PRPF6: variants seen among roughly 807,000 people sequenced by gnomAD.
PRPF6 encodes pre-mRNA-processing factor 6.
Under a neutral mutation model 118.3 loss-of-function variants are expected in PRPF6, and 42 were observed. The observed-to-expected ratio is 0.35, with a 90% CI of 0.28 to 0.46. The LOEUF (loss-of-function observed/expected upper bound fraction) is 0.46, where lower values mean the gene tolerates loss of function less well. PRPF6 is among the 20% of genes least tolerant of loss of function. The probability of loss-of-function intolerance (pLI) is 1.00; values close to 1 mark genes in which losing one functional copy is unlikely to be tolerated. For missense variants in PRPF6, 662 were observed against 1,255.7 expected (o/e 0.53, Z 7.15); for synonymous variants, 481 against 485.1 (o/e 0.99, Z 0.11).
In PRPF6 at chr20:64,032,015, T is replaced by C. The variant is rs2059316906; in HGVS notation, c.2644T>C (p.Tyr882His). 6.2e-7 allele frequency: 1 copy of C among 1,614,102 alleles called. No homozygotes were observed. The highest frequency in any genetic ancestry group is 1.7e-5 in the Admixed American group (1 of 60,032). Residue 882 changes from tyrosine (Y) to histidine (H), a missense_variant, in exon 20 of 21, where the codon TAC becomes CAC. Tyr to His is a moderately conservative substitution (Grantham distance 83). Transcript: ENST00000266079. ...CCTGGGGGATGCCTGGGCCTTCTTC[T>C]ACAAGTTTGAGCTGCAGCATGGCAC... ...SDLGDAWAFFYKFELQHGTEE... is the reference protein window; with the variant it reads ...SDLGDAWAFFHKFELQHGTEE...
At chr20:64,015,307 G>A (rs1487561766) in intron 11 of PRPF6, among the ~76,000 whole-genome samples, 1 of 152,212 alleles carries the variant, frequency 6.6e-6, no homozygotes, top group Non-Finnish European at 1.5e-5. Context: ...TTTGCCGCAG[G>A]CCCCTGAGGG....
At chr20:63,982,943 C>A in intron 1 of PRPF6, 104 bp from the exon 2 acceptor site, 1 of 1,377,670 alleles carries the variant, frequency 7.3e-7, no homozygotes, top group Non-Finnish European at 1.0e-6. Context: ...GGAGGTTTCC[C>A]AAAGGTGTTA....
At chr20:64,004,901 C>T (rs1005972185) in intron 9 of PRPF6, among the ~76,000 whole-genome samples, 4 of 152,292 alleles carry the variant, frequency 2.6e-5, no homozygotes, top group South Asian at 2.1e-4. Flanking sequence ...GCCTGTGAAG[C>T]GTGGCATCCT....
intron 7 of PRPF6, 86 bp from the exon 8 acceptor site, chr20:63,999,517 G>T: frequency 6.5e-7 from 1 of 1,533,522 alleles, no homozygotes; most frequent in South Asian, 1.1e-5. Flanking sequence ...CTTACATTGT[G>T]ACTGTGAAGT....
intron 12 of PRPF6, among the ~76,000 whole-genome samples, chr20:64,021,689 T>C (rs889729390): frequency 2.0e-5 from 3 of 150,658 alleles, no homozygotes; most frequent in Non-Finnish European, 4.4e-5. Flanking sequence ...TGTGTGCGTG[T>C]GTGTGCACGT....
At position 64,028,710 on chromosome 20, in the gene PRPF6, G is replaced by A. The variant is rs1404927388; in HGVS notation, c.2431+141G>A. Reference sequence around the variant, plus strand: ...TGAGGGAGTGGGGGCTCAGGCTTCAGACGGACTTTATTAAAATGTGTAGTT... The same window carrying A: ...TGAGGGAGTGGGGGCTCAGGCTTCAAACGGACTTTATTAAAATGTGTAGTT... On this transcript the variant is annotated intron_variant, in intron 18 of 20. Coordinates refer to ENST00000266079, the MANE Select transcript of PRPF6 (RefSeq NM_012469.4). This position sits in a 1 kb window ranked among gnomAD's most constrained non-coding sequence, Gnocchi z 6.5. 7.0e-6 allele frequency: 6 copies of A among 852,138 alleles called. No individual in the cohort carries two copies. Among genetic ancestry groups the A allele is most frequent in the Non-Finnish European group, 1.1e-5 (6 of 542,492 alleles). 52.8% of individuals were successfully genotyped at this position (852,138 alleles called of 1,614,324 possible).
intron 10 of PRPF6, 92 bp downstream of exon 10, chr20:64,010,410 A>T: frequency 1.8e-6 from 2 of 1,082,576 alleles, no homozygotes; most frequent in South Asian, 2.5e-5. Context: ...CAAGTGGAGC[A>T]TTGAGCTCAC....
chr20:64,001,199 G>A lies in PRPF6; in HGVS notation c.1146G>A (p.Leu382=). ...GGATTTACATCAGAGCCGCAGAGCT[G>A]GAAACGGACATTCGTGCAAAGAAGC... ...SVRIYIRAAE[L]ETDIRAKKRV... Residue 382 remains leucine (L), a synonymous_variant, in exon 9 of 21, where the codon CTG becomes CTA. Transcript: ENST00000266079. 2.5e-6 allele frequency: 4 copies of A among 1,614,238 alleles called. No homozygotes were observed. Among genetic ancestry groups the A allele is most frequent in the Non-Finnish European group, 3.4e-6 (4 of 1,180,040 alleles).
rs1197777058 is a variant in PRPF6, at chr20:64,001,256, G to A, written c.1186+17G>A. The A allele has an allele frequency of 1.9e-6, 3 of 1,614,012 alleles. No homozygotes were observed. The African/African-American group carries it at 4.0e-5, about 22-fold the overall frequency. ...TTCGGAAAGGTGAGCCTCCCTCGGA[G>A]GTGCTGCTTTCTCCCTCCTTGGGGC... On this transcript the variant is annotated intron_variant, in intron 9 of 20. Coordinates refer to ENST00000266079, the MANE Select transcript of PRPF6 (RefSeq NM_012469.4).
Position 64,009,275 on chromosome 20 carries a change from A to G in PRPF6, c.1187-925A>G, listed in dbSNP as rs4809390. 3.2e-5 allele frequency among the ~76,000 whole-genome samples: 4 copies of G among 123,412 alleles called. No homozygotes were observed. In the South Asian group the frequency reaches 1.2e-3, roughly 36 times the overall value. The allele number at this position is 123,412 out of a possible 152,430, so 81.0% of individuals were successfully genotyped here. A position where few individuals can be genotyped will look rare whatever the true frequency, so the allele number is the denominator to read the frequency against. ...CAGCCTGGCGACAGAGCGAGACTCC[A>G]TCGCAAAAAAAAAAAAAAAAAAAAA... is the stretch of plus-strand genomic sequence containing the variant. On this transcript the variant is annotated intron_variant, in intron 9 of 20. Coordinates refer to ENST00000266079, the MANE Select transcript of PRPF6 (RefSeq NM_012469.4).
At chr20:64,025,190 T>G (rs1182748576) in intron 14 of PRPF6, among the ~76,000 whole-genome samples, 1 of 152,222 alleles carries the variant, frequency 6.6e-6, no homozygotes, top group African/African-American at 2.4e-5. Context: ...TGCCCTTCTT[T>G]GAGCAAATAC....
intron 4 of PRPF6, among the ~76,000 whole-genome samples, chr20:63,993,970 A>C (rs1374650332): frequency 6.6e-6 from 1 of 151,836 alleles, no homozygotes; most frequent in Non-Finnish European, 1.5e-5. Flanking sequence ...GGCTGGTCTC[A>C]AACTCCTGAA....
At chr20:63,991,815 T>C (rs1283772382) in intron 3 of PRPF6, among the ~76,000 whole-genome samples, 2 of 152,112 alleles carry the variant, frequency 1.3e-5, no homozygotes, top group African/African-American at 4.8e-5. Context: ...AGTGTACTTA[T>C]TAAAACTTTT....
intron 11 of PRPF6, among the ~76,000 whole-genome samples, chr20:64,012,942 C>G (rs1053971313): frequency 1.3e-5 from 2 of 151,630 alleles, no homozygotes; most frequent in Non-Finnish European, 2.9e-5. Flanking sequence ...TTACTCTTCC[C>G]CTCTCCCCCA....
In PRPF6 at chr20:64,011,185, A is replaced by C; in HGVS notation, c.1306-100A>C. ...TCAGATGGTTCTCGAGAGCTAAGAA[A>C]GAACGTGGTGGCCAACGCTGGAGGG... On this transcript the variant is annotated intron_variant, in intron 10 of 20. Transcript: ENST00000266079. The surrounding 1 kb of genome is among the most constrained non-coding windows in gnomAD (Gnocchi z 6.7). 9.5e-7 allele frequency: 1 copy of C among 1,054,634 alleles called. No individual in the cohort carries two copies. The highest frequency in any genetic ancestry group is 1.9e-5 in the Admixed American group (1 of 51,610). 65.3% of individuals were successfully genotyped at this position (1,054,634 alleles called of 1,614,324 possible). A position where few individuals can be genotyped will look rare whatever the true frequency, so the allele number is the denominator to read the frequency against.
intron 9 of PRPF6, among the ~76,000 whole-genome samples, chr20:64,009,401 C>T (rs145738021): frequency 1.5e-3 from 233 of 152,094 alleles, no homozygotes; most frequent in African/African-American, 5.2e-3. Context: ...GTGCATGCAC[C>T]CCTGTAACCC....
Position 64,029,562 on chromosome 20 carries a change from C to G in PRPF6, c.2546+71C>G, listed in dbSNP as rs2059305702. On this transcript the variant is annotated intron_variant, in intron 19 of 20. Transcript: ENST00000266079. The surrounding 1 kb of genome is among the most constrained non-coding windows in gnomAD (Gnocchi z 4.8). ...GGCTCTTTTTCCAGAGTCTGTCTGCCTCTTCCTGGTCATTGTAAAGATGCC... is the reference window on the plus strand; with the variant it reads ...GGCTCTTTTTCCAGAGTCTGTCTGCGTCTTCCTGGTCATTGTAAAGATGCC... 2.3e-6 allele frequency: 3 copies of G among 1,312,774 alleles called. No individual in the cohort carries two copies. The African/African-American group carries it at 4.3e-5, about 19-fold the overall frequency. 81.3% of individuals were successfully genotyped at this position (1,312,774 alleles called of 1,614,324 possible).
At chr20:63,986,821 A>C (rs1355812436) in intron 3 of PRPF6, among the ~76,000 whole-genome samples, 1 of 151,688 alleles carries the variant, frequency 6.6e-6, no homozygotes. Context: ...AATGCATTTG[A>C]TAAGATTCAA....
rs2059301515 is a variant in PRPF6 at position 64,028,528 on chromosome 20, A to T, written c.2390A>T (p.Asn797Ile). ...CGTGCGGGGCTGAAGAACATCGCAA[A>T]TACACTCATGGCCAAGGCGCTGCAG... The part of the protein sequence containing the change: ...EYRAGLKNIA[N>I]TLMAKALQEC... The change falls in exon 18 of 21, where the codon AAT becomes ATT. Residue 797 changes from asparagine to isoleucine, a missense_variant. Coordinates refer to ENST00000266079, the MANE Select transcript of PRPF6 (RefSeq NM_012469.4). This position sits in a 1 kb window ranked among gnomAD's most constrained non-coding sequence, Gnocchi z 6.5. 1 of 1,613,680 alleles carries T rather than the reference A, an allele frequency of 6.2e-7. No homozygotes were observed. Among genetic ancestry groups the T allele is most frequent in the Non-Finnish European group, 8.5e-7 (1 of 1,180,010 alleles).
Sources: allele counts gnomAD v4.1 joint callset (sites outside exome capture counted in the v4.1 genomes callset), GRCh38; gene constraint gnomAD v4.1.1; non-coding constraint Gnocchi (gnomAD v3.1); transcripts MANE v1.5; gene names NCBI Gene and HGNC (gene_info 2026-07-23, HGNC 2026-07-21).